CCDC7: variants seen among roughly 807,000 people sequenced by gnomAD.
CCDC7 encodes the protein coiled-coil domain containing 7.
A neutral mutation model predicts 196.9 loss-of-function variants in CCDC7; 183 were observed. That is an observed-to-expected ratio of 0.93 (90% confidence interval 0.82 to 1.05). The LOEUF (loss-of-function observed/expected upper bound fraction) is 1.05, where lower values mean the gene tolerates loss of function less well. CCDC7 is among the 50% of genes least tolerant of loss of function. The pLI, the probability that CCDC7 is intolerant of heterozygous loss-of-function variation, is 0.00. For synonymous variants in CCDC7, 525 were observed against 484.6 expected (o/e 1.08, Z -1.10); for missense variants, 1,540 against 1,482.2 (o/e 1.04, Z -0.64).
chr10:32,640,228 T>A (rs567998314), intron 20 of CCDC7, among the ~76,000 whole-genome samples: 10 of 152,346 alleles, frequency 6.6e-5, no homozygotes, highest in African/African-American at 1.7e-4. Context: ...GGTGCTCCTG[T>A]ATTGGGTGCA....
intron 16 of CCDC7, among the ~76,000 whole-genome samples, chr10:32,577,966 A>T (rs981179242): frequency 6.6e-6 from 1 of 152,180 alleles, no homozygotes; most frequent in African/African-American, 2.4e-5. Flanking sequence ...ATTTCATCCA[A>T]AGATGTAGGA....
chr10:32,703,787 T>C (rs1474385276), intron 24 of CCDC7, among the ~76,000 whole-genome samples: 2 of 152,142 alleles, frequency 1.3e-5, no homozygotes, highest in Non-Finnish European at 2.9e-5. Flanking sequence ...ACTGATACCC[T>C]TTCTTCCAGT....
intron 28 of CCDC7, among the ~76,000 whole-genome samples, chr10:32,740,938 A>G (rs2085729062): frequency 1.4e-5 from 1 of 70,274 alleles, no homozygotes; most frequent in South Asian, 4.2e-4. Flanking sequence ...AAAACTGAAG[A>G]TAATATTAAA....
intron 20 of CCDC7, among the ~76,000 whole-genome samples, chr10:32,655,407 A>G (rs1350160496): frequency 1.3e-5 from 2 of 152,070 alleles, no homozygotes; most frequent in African/African-American, 4.8e-5. Flanking sequence ...TGCGTTTTTC[A>G]TTATAGTTGT....
intron 21 of CCDC7, among the ~76,000 whole-genome samples, chr10:32,671,195 G>A (rs970720992): frequency 6.6e-6 from 1 of 152,034 alleles, no homozygotes; most frequent in African/African-American, 2.4e-5. Context: ...CACTCACTCA[G>A]AGTAACTCTT....
intron 33 of CCDC7, among the ~76,000 whole-genome samples, chr10:32,836,887 CT>C (rs945827707): frequency 6.6e-6 from 1 of 152,080 alleles, no homozygotes; most frequent in Non-Finnish European, 1.5e-5. Context: ...AAAGCTGAAA[CT>C]GGATCCCTTC....
At chr10:32,528,681 C>CAT (rs1234821024) in intron 11 of CCDC7, among the ~76,000 whole-genome samples, 2 of 127,276 alleles carry the variant, frequency 1.6e-5, no homozygotes, top group Non-Finnish European at 3.4e-5. Flanking sequence ...TATATATATG[C>CAT]ATATATATAC....
chr10:32,473,732 G>A (rs1172018534), intron 7 of CCDC7, among the ~76,000 whole-genome samples: 1 of 152,060 alleles, frequency 6.6e-6, no homozygotes, highest in Non-Finnish European at 1.5e-5. Context: ...GAATACAAGA[G>A]CAAAAACAAG....
At chr10:32,825,994 C>A (rs1399157765) in intron 32 of CCDC7, among the ~76,000 whole-genome samples, 2 of 152,164 alleles carry the variant, frequency 1.3e-5, no homozygotes, top group African/African-American at 4.8e-5. Flanking sequence ...CCAGTAGTGA[C>A]AACATCCTTT....
Position 32,669,444 on chromosome 10 carries a change from T to A in CCDC7, c.2122+5283T>A, listed in dbSNP as rs2073591566. On this transcript the variant is annotated intron_variant, in intron 21 of 41. Coordinates refer to ENST00000639629, the Ensembl canonical transcript of CCDC7. ...TCTCTTCTTCTATTTTTTTGAAACA[T>A]TTGAGGGGCATTAGCATTAATTCTT... 2.0e-5 allele frequency among the ~76,000 whole-genome samples: 3 copies of A among 152,134 alleles called. No individual in the cohort carries two copies. In the South Asian group the frequency reaches 6.2e-4, roughly 32 times the overall value.
At chr10:32,645,023 T>C (rs2067503434) in intron 20 of CCDC7, among the ~76,000 whole-genome samples, 1 of 152,136 alleles carries the variant, frequency 6.6e-6, no homozygotes, top group Non-Finnish European at 1.5e-5. Context: ...AATCTTATTT[T>C]AAAAATGGGC....
intron 31 of CCDC7, among the ~76,000 whole-genome samples, chr10:32,815,279 G>A (rs1453714868): frequency 6.6e-6 from 1 of 152,026 alleles, no homozygotes; most frequent in Non-Finnish European, 1.5e-5. Context: ...AGATTTAGCA[G>A]ACAATGATTA....
At chr10:32,486,739 C>T (rs2041177445) in intron 8 of CCDC7, among the ~76,000 whole-genome samples, 1 of 145,704 alleles carries the variant, frequency 6.9e-6, no homozygotes, top group Non-Finnish European at 1.5e-5. Flanking sequence ...TTTATTTCTC[C>T]TTCACTTATG....
At chr10:32,508,416 G>T (rs772671595) in intron 9 of CCDC7, among the ~76,000 whole-genome samples, 1 of 152,182 alleles carries the variant, frequency 6.6e-6, no homozygotes, top group Admixed American at 6.5e-5. Context: ...GGACAGTATT[G>T]TATGTTCATG....
chr10:32,456,316 A>G (rs1564619575), exon 3 of CCDC7: 2 of 1,572,840 alleles, frequency 1.3e-6, no homozygotes, highest in Non-Finnish European at 1.7e-6. Flanking sequence ...TAGAAGAAGC[A>G]CTTAAAGAAG....
At chr10:32,587,904 T>C (rs984466204) in intron 18 of CCDC7, among the ~76,000 whole-genome samples, 1 of 152,236 alleles carries the variant, frequency 6.6e-6, no homozygotes, top group African/African-American at 2.4e-5. Flanking sequence ...TAAAAGTTCA[T>C]GTGCTGGAAA....
At chr10:32,828,550 AAGAAG>A (rs1215674174) in intron 32 of CCDC7, among the ~76,000 whole-genome samples, 12 of 147,820 alleles carry the variant, frequency 8.1e-5, no homozygotes, top group African/African-American at 3.0e-4. Flanking sequence ...GAAGAAGAAG[AAGAAG>A]AAGAAAGAAG....
At chr10:32,864,332 T>A (rs2094127815) in intron 41 of CCDC7, among the ~76,000 whole-genome samples, 1 of 151,696 alleles carries the variant, frequency 6.6e-6, no homozygotes, top group Non-Finnish European at 1.5e-5. Context: ...GTAAAAATTA[T>A]AAAATATTTA....
chr10:32,487,941 C>G lies in CCDC7; in HGVS notation c.797-3981C>G, dbSNP rs1013668020. On this transcript the variant is annotated intron_variant, in intron 8 of 41. Transcript: ENST00000639629. The stretch of plus-strand genomic sequence containing the variant: ...AGGCTACTCAGGGGTCAGGGACCCA[C>G]TTGAGGAGGCAGTCTGTCCGTTCTC... 3.3e-5 allele frequency among the ~76,000 whole-genome samples: 5 copies of G among 152,316 alleles called. No homozygotes were observed. In the South Asian group the frequency reaches 1.0e-3, roughly 32 times the overall value.
Sources: gnomAD v4.1 joint callset for allele counts (sites outside exome capture counted in the v4.1 genomes callset) on GRCh38, gnomAD v4.1.1 for gene constraint, MANE v1.5 for transcripts, NCBI Gene and HGNC (gene_info 2026-07-23, HGNC 2026-07-21) for gene names.